Variants in KATNBL1 observed in about 807,000 individuals in gnomAD.
KATNBL1 encodes katanin regulatory subunit B1 like 1.
A neutral mutation model predicts 44.7 loss-of-function variants in KATNBL1; 28 were observed. The ratio of observed to expected loss-of-function variants is 0.63; its 90% CI spans 0.46 to 0.86. The LOEUF (loss-of-function observed/expected upper bound fraction) is 0.86, where lower values mean the gene tolerates loss of function less well. KATNBL1 is among the 40% of genes least tolerant of loss of function. The pLI is 0.00. For missense variants in KATNBL1, 272 were observed against 350.7 expected, an observed-to-expected ratio of 0.78 and a Z score of 1.79; for synonymous variants, 78 against 114.9, an observed-to-expected ratio of 0.68 and a Z score of 2.06.
chr15:34,165,939 C>T (rs1396570723), intron 1 of KATNBL1: 1 of 152,174 alleles, frequency 6.6e-6, no homozygotes, highest in Non-Finnish European at 1.5e-5. Flanking sequence ...CCAAGGACAT[C>T]AAGAAGTAGA....
intron 4 of KATNBL1, 28 bp downstream of exon 4, chr15:34,152,762 C>A: frequency 6.5e-7 from 1 of 1,544,372 alleles, no homozygotes. Context: ...CAAAGTTAAA[C>A]TAGATATGAG....
rs59061813 is a variant in KATNBL1 at position 34,178,755 on chromosome 15, CAAA to C, written c.-14-15068_-14-15066del. On this transcript the variant is annotated intron_variant, in intron 1 of 9. Coordinates refer to ENST00000256544, the MANE Select transcript of KATNBL1 (RefSeq NM_024713.3). ...TGGGCGACAGAGCAAGACTCTGTCT[CAAA>C]AAAAAAAAAAAAAAAAAAAGGATTT... Among the ~76,000 whole-genome samples the C allele has an allele frequency of 3.5e-3, 425 of 122,624 alleles. 3 individuals are homozygous for C. Among genetic ancestry groups the C allele is most frequent in the Non-Finnish European group, 4.0e-3 (241 of 60,010 alleles). The allele number at this position is 122,624 out of a possible 152,430, so 80.4% of individuals were successfully genotyped here.
At chr15:34,147,474 C>T (rs2140900444) in intron 5 of KATNBL1, 44 bp from the exon 6 acceptor site, 1 of 1,454,552 alleles carries the variant, frequency 6.9e-7, no homozygotes, top group South Asian at 1.2e-5. Context: ...GAGCTGATTT[C>T]CTTATTTACT....
At chr15:34,181,561 CAT>C (rs1159512262) in intron 1 of KATNBL1, among the ~76,000 whole-genome samples, 4 of 143,620 alleles carry the variant, frequency 2.8e-5, no homozygotes, top group African/African-American at 1.0e-4. Context: ...TATATATGTC[CAT>C]ATATATATCC....
At chr15:34,165,740 G>T (rs539714406) in intron 1 of KATNBL1, among the ~76,000 whole-genome samples, 21 of 152,270 alleles carry the variant, frequency 1.4e-4, no homozygotes, top group Non-Finnish European at 2.5e-4. Flanking sequence ...GTTGCAGTGA[G>T]CCAAGATCAT....
At chr15:34,184,733 C>T (rs908920092) in intron 1 of KATNBL1, among the ~76,000 whole-genome samples, 4 of 151,400 alleles carry the variant, frequency 2.6e-5, no homozygotes, top group Non-Finnish European at 4.4e-5. Context: ...CCACCATGCC[C>T]GGCTAATTTT....
chr15:34,144,954 C>A, intron 9 of KATNBL1: 1 of 487,992 alleles, frequency 2.0e-6, no homozygotes, highest in Non-Finnish European at 2.7e-6. Context: ...CAATAAAGAC[C>A]AAAGTCAAAT....
chr15:34,141,425 TGAAG>T lies in KATNBL1; in HGVS notation c.*910_*913del, dbSNP rs1293914526. 2 of 152,538 alleles carry T rather than the reference TGAAG, an allele frequency of 1.3e-5. No individual in the cohort carries two copies. The highest frequency in any genetic ancestry group is 2.4e-5 in the African/African-American group (1 of 41,448). The allele number at this position is 152,538 out of a possible 1,614,324, so 9.4% of individuals were successfully genotyped here. On this transcript the variant is annotated 3_prime_UTR_variant, in exon 10 of 10. Transcript: ENST00000256544. ...GAAATATTTAGTGAATTTACTCAAATGAAGGAAGTTTAAATGATACAGGAATGAA... is the reference window on the plus strand; with the variant it reads ...GAAATATTTAGTGAATTTACTCAAATGAAGTTTAAATGATACAGGAATGAA...
chr15:34,203,957 C>T (rs1890230825), intron 1 of KATNBL1, among the ~76,000 whole-genome samples: 1 of 150,968 alleles, frequency 6.6e-6, no homozygotes, highest in African/African-American at 2.4e-5. Context: ...TACAGCAAAC[C>T]ACCATGGTAT....
At chr15:34,200,466 T>C (rs151061753) in intron 1 of KATNBL1, among the ~76,000 whole-genome samples, 10,129 of 151,676 alleles carry the variant, frequency 0.067, 385 homozygotes, top group Middle Eastern at 0.11. Context: ...TTTCACCATA[T>C]TGGCCAGGCT....
intron 1 of KATNBL1, among the ~76,000 whole-genome samples, chr15:34,193,069 T>C (rs1241127589): frequency 6.6e-6 from 1 of 151,270 alleles, no homozygotes; most frequent in Non-Finnish European, 1.5e-5. Context: ...TACAAAAAAT[T>C]AGCCGGGCGT....
chr15:34,181,894 G>A lies in KATNBL1; in HGVS notation c.-14-18204C>T, dbSNP rs115568749. Among the ~76,000 whole-genome samples, 158 of 106,916 alleles carry A rather than the reference G, an allele frequency of 1.5e-3. 6 individuals carry two copies. The highest frequency in any genetic ancestry group is 5.0e-3 in the African/African-American group (150 of 29,786). 70.1% of individuals were successfully genotyped at this position (106,916 alleles called of 152,430 possible). On this transcript the variant is annotated intron_variant, in intron 1 of 9. Transcript: ENST00000256544. ...CCATATATATATATATATATGGATG[G>A]GGAGGAGAAAGGGTTTTGCTGGGGA...
At chr15:34,209,287 A>G in intron 1 of KATNBL1, 1 of 152,174 alleles carries the variant, frequency 6.6e-6, no homozygotes, top group East Asian at 1.9e-4. Flanking sequence ...ATTTTTTTTA[A>G]ATCAGCAAAG....
intron 2 of KATNBL1, among the ~76,000 whole-genome samples, chr15:34,159,056 T>C (rs894953755): frequency 2.0e-5 from 3 of 152,270 alleles, no homozygotes; most frequent in Non-Finnish European, 4.4e-5. Context: ...TTTAAAATTA[T>C]TGATTCAATA....
rs114627604 is a variant in KATNBL1 at position 34,204,226 on chromosome 15, G to A, written c.-15+5725C>T. ...ATAAACCTCTGAAATAAGCCACTGA[G>A]ATTTGGGTGCTGTTTGTTACTACAA... On this transcript the variant is annotated intron_variant, in intron 1 of 9. Transcript: ENST00000256544. Among the ~76,000 whole-genome samples, 425 of 152,244 alleles carry A rather than the reference G, an allele frequency of 2.8e-3. 3 individuals carry two copies. The highest frequency in any genetic ancestry group is 9.8e-3 in the African/African-American group (408 of 41,556).
chr15:34,163,819 C>T, intron 1 of KATNBL1, 129 bp from the exon 2 acceptor site: 1 of 498,658 alleles, frequency 2.0e-6, no homozygotes, highest in Middle Eastern at 3.0e-4. Flanking sequence ...TTAATTTACA[C>T]ATTTTTAAAA....
At chr15:34,178,294 A>C (rs1889397178) in intron 1 of KATNBL1, among the ~76,000 whole-genome samples, 1 of 149,716 alleles carries the variant, frequency 6.7e-6, no homozygotes, top group African/African-American at 2.4e-5. Context: ...GGACAGGTGA[A>C]CATAAGCTAT....
rs1416234457 is a variant in KATNBL1 at position 34,181,781 on chromosome 15, T to TA, written c.-14-18092_-14-18091insT. On this transcript the variant is annotated intron_variant, in intron 1 of 9. Coordinates refer to ENST00000256544, the MANE Select transcript of KATNBL1 (RefSeq NM_024713.3). ...ATATCCATATATATACACATATATA[T>TA]GTCCATATATATATCCATATATATA... is the stretch of plus-strand genomic sequence containing the variant. 5.9e-5 allele frequency among the ~76,000 whole-genome samples: 7 copies of TA among 118,120 alleles called. 1 individual carries two copies. Among genetic ancestry groups the TA allele is most frequent in the Non-Finnish European group, 8.8e-5 (5 of 56,584 alleles). The allele number at this position is 118,120 out of a possible 152,430, so 77.5% of individuals were successfully genotyped here. A position where few individuals can be genotyped will look rare whatever the true frequency, so the allele number is the denominator to read the frequency against.
At chr15:34,208,294 T>C (rs1890346147) in intron 1 of KATNBL1, among the ~76,000 whole-genome samples, 1 of 152,186 alleles carries the variant, frequency 6.6e-6, no homozygotes, top group African/African-American at 2.4e-5. Context: ...GTGTCATTCT[T>C]GCGGCACATT....
Sources: gnomAD v4.1 joint callset for allele counts (sites outside exome capture counted in the v4.1 genomes callset) on GRCh38, gnomAD v4.1.1 for gene constraint, MANE v1.5 for transcripts, NCBI Gene and HGNC (gene_info 2026-07-23, HGNC 2026-07-21) for gene names.